Variants in LRP6 observed in about 807,000 individuals in gnomAD.
The protein encoded by LRP6 is LDL receptor related protein 6.
In LRP6, 43 loss-of-function variants were observed where a neutral mutation model predicts 184.1. The ratio of observed to expected loss-of-function variants is 0.23; its 90% CI spans 0.18 to 0.30. The LOEUF is 0.30. Ranked by LOEUF, LRP6 falls within the 10% of genes least tolerant of loss-of-function variation. LRP6 has a pLI of 1.00. For missense variants in LRP6, 1,571 were observed against 2,005.3 expected (o/e 0.78, Z 4.14); for synonymous variants, 719 against 684.9 (o/e 1.05, Z -0.78).
chr12:12,263,370 T>C (rs1865673871), intron 1 of LRP6, among the ~76,000 whole-genome samples: 1 of 150,882 alleles, frequency 6.6e-6, no homozygotes, highest in African/African-American at 2.4e-5. Context: ...GGTCAGGAGA[T>C]GGAGACCATC....
Position 12,171,233 on chromosome 12 carries a change from T to C in LRP6, c.1546-5938A>G, listed in dbSNP as rs149280097. On this transcript the variant is annotated intron_variant, in intron 7 of 22. Coordinates refer to ENST00000261349, the MANE Select transcript of LRP6 (RefSeq NM_002336.3). ...CTGCTGTTATTAATAAATGCTATTA[T>C]TGGCCGAGCGCGGTGGCTCACGCCT... is the stretch of plus-strand genomic sequence containing the variant. 6.6e-5 allele frequency among the ~76,000 whole-genome samples: 10 copies of C among 152,294 alleles called. No homozygotes were observed. The East Asian group carries it at 1.9e-3, about 29-fold the overall frequency.
At chr12:12,128,636 AG>A (rs1949706242) in intron 19 of LRP6, among the ~76,000 whole-genome samples, 1 of 152,210 alleles carries the variant, frequency 6.6e-6, no homozygotes, top group South Asian at 2.1e-4. Context: ...AAAGTCATCT[AG>A]TATAAGATAA....
At chr12:12,159,695 A>T in intron 11 of LRP6, 85 bp downstream of exon 11, 1 of 1,297,628 alleles carries the variant, frequency 7.7e-7, no homozygotes, top group South Asian at 1.2e-5. Context: ...AGTTGTATTA[A>T]AAGTATCTAA....
intron 7 of LRP6, among the ~76,000 whole-genome samples, chr12:12,165,513 T>C (rs2136953253): frequency 6.6e-6 from 1 of 152,320 alleles, no homozygotes; most frequent in South Asian, 2.1e-4. Flanking sequence ...CTCATATTAC[T>C]CTTCCTTCTA....
Position 12,124,678 on chromosome 12 carries a change from AATTAAAAT to A in LRP6, c.4450-24_4450-17del. 6.8e-7 allele frequency: 1 copy of A among 1,474,758 alleles called. No homozygotes were observed. The highest frequency in any genetic ancestry group is 1.2e-5 in the South Asian group (1 of 85,638). The allele number at this position is 1,474,758 out of a possible 1,614,324, so 91.4% of individuals were successfully genotyped here. A position where few individuals can be genotyped will look rare whatever the true frequency, so the allele number is the denominator to read the frequency against. ...GGTTCAAAATCTAAAAGAAAAAAAT[AATTAAAAT>A]ATTAAAATAACAACATAGAAACTAT... On this transcript the variant is annotated splice_polypyrimidine_tract_variant and intron_variant, in intron 21 of 22. Coordinates refer to ENST00000261349, the MANE Select transcript of LRP6 (RefSeq NM_002336.3).
chr12:12,197,652 G>A (rs974994375), intron 3 of LRP6, among the ~76,000 whole-genome samples: 8 of 152,236 alleles, frequency 5.3e-5, no homozygotes, highest in African/African-American at 1.4e-4. Flanking sequence ...GCATATGCAG[G>A]AGCAATATAT....
intron 18 of LRP6, among the ~76,000 whole-genome samples, chr12:12,131,146 C>T (rs887049762): frequency 4.2e-5 from 5 of 118,740 alleles, no homozygotes; most frequent in African/African-American, 6.5e-5. Context: ...CTTGCTCTGT[C>T]GCCCAGGCTG....
Position 12,244,473 on chromosome 12 carries a change from A to G in LRP6, c.238T>C (p.Phe80Leu). ...VSEEAIKRTE[F>L]NKTESVQNVV... Reference sequence around the variant, plus strand: ...TTCTGCACACTCTCAGTTTTGTTAAATTCTGTTCGTTTAATGGCTTCTTCG... The same window carrying G: ...TTCTGCACACTCTCAGTTTTGTTAAGTTCTGTTCGTTTAATGGCTTCTTCG... The change falls in exon 2 of 23, where the codon TTT (phenylalanine) becomes CTT (leucine). Residue 80 changes from phenylalanine to leucine, a missense_variant. By Grantham distance (22) the Phe-to-Leu change is conservative. This residue lies in a region of LRP6 where 640 missense variants were observed against 851.9 expected (regional missense o/e 0.75). Transcript: ENST00000261349. 1 of 1,614,204 alleles carries G rather than the reference A, an allele frequency of 6.2e-7. No homozygotes were observed. Among genetic ancestry groups the G allele is most frequent in the Non-Finnish European group, 8.5e-7 (1 of 1,180,028 alleles).
intron 1 of LRP6, among the ~76,000 whole-genome samples, chr12:12,250,904 G>A (rs1865309207): frequency 2.0e-5 from 3 of 151,446 alleles, no homozygotes; most frequent in East Asian, 3.9e-4. Context: ...TAACAGACGT[G>A]AGCCAACGCA....
chr12:12,159,465 C>T (rs1173732562), intron 11 of LRP6, among the ~76,000 whole-genome samples: 1 of 152,044 alleles, frequency 6.6e-6, no homozygotes, highest in Non-Finnish European at 1.5e-5. Context: ...CTACAGTTCA[C>T]TTTTTCTTCT....
At chr12:12,222,041 A>T (rs1199282411) in intron 2 of LRP6, among the ~76,000 whole-genome samples, 2 of 152,150 alleles carry the variant, frequency 1.3e-5, no homozygotes, top group African/African-American at 4.8e-5. Context: ...TAACAACTAA[A>T]ATTCCTTCTC....
At chr12:12,196,818 C>T (rs1367578253) in intron 3 of LRP6, among the ~76,000 whole-genome samples, 3 of 152,050 alleles carry the variant, frequency 2.0e-5, no homozygotes, top group African/African-American at 4.8e-5. Context: ...AAATAGTAGG[C>T]AGTAGTGTGT....
At chr12:12,188,821 G>T (rs1368131879) in intron 3 of LRP6, among the ~76,000 whole-genome samples, 2 of 152,126 alleles carry the variant, frequency 1.3e-5, no homozygotes, top group African/African-American at 4.8e-5. Flanking sequence ...TATTTACAGG[G>T]TGATGGCACA....
intron 7 of LRP6, among the ~76,000 whole-genome samples, chr12:12,174,599 A>G (rs571380751): frequency 4.6e-4 from 70 of 152,226 alleles, no homozygotes; most frequent in Non-Finnish European, 7.9e-4. Flanking sequence ...ACAGGTTCCT[A>G]TATGTTTTTA....
chr12:12,139,601 G>A (rs1343052584), intron 15 of LRP6, among the ~76,000 whole-genome samples: 4 of 152,098 alleles, frequency 2.6e-5, no homozygotes, highest in South Asian at 2.1e-4. Context: ...GCATGCGCCT[G>A]TAGTCCAGGT....
chr12:12,174,220 T>G (rs1158212499), intron 7 of LRP6, among the ~76,000 whole-genome samples: 1 of 152,142 alleles, frequency 6.6e-6, no homozygotes, highest in Non-Finnish European at 1.5e-5. Flanking sequence ...CAAGCAATTT[T>G]CCTGCCTCAG....
chr12:12,243,490 A>G (rs1011046853), intron 2 of LRP6, among the ~76,000 whole-genome samples: 2 of 152,202 alleles, frequency 1.3e-5, no homozygotes, highest in Non-Finnish European at 2.9e-5. Flanking sequence ...GCTATCAAAT[A>G]CTTCTCATTT....
chr12:12,266,077 G>C (rs773057774), intron 1 of LRP6, among the ~76,000 whole-genome samples: 4 of 152,164 alleles, frequency 2.6e-5, no homozygotes, highest in African/African-American at 4.8e-5. Flanking sequence ...ATGGGCTGAA[G>C]CTCAGAAGGC....
chr12:12,131,749 G>GT (rs1555103228), intron 18 of LRP6, 72 bp downstream of exon 18: 1 of 1,274,666 alleles, frequency 7.8e-7, no homozygotes, highest in Non-Finnish European at 1.1e-6. Context: ...ACTAAGCCAA[G>GT]TAATACTGAA....
Sources: allele counts gnomAD v4.1 joint callset (sites outside exome capture counted in the v4.1 genomes callset), GRCh38; gene constraint gnomAD v4.1.1; regional missense constraint gnomAD v4.1.1; transcripts MANE v1.5; gene names NCBI Gene and HGNC (gene_info 2026-07-23, HGNC 2026-07-21).